CELF2: variants seen among roughly 807,000 people sequenced by gnomAD.
CELF2 encodes CUG triplet repeat RNA-binding protein 2.
A neutral mutation model predicts 62.6 loss-of-function variants in CELF2; 8 were observed. The ratio of observed to expected loss-of-function variants is 0.13; its 90% CI spans 0.07 to 0.23. The LOEUF is 0.23. Among genes scored for constraint, CELF2 ranks in the 10% least tolerant of loss-of-function variants. The probability of loss-of-function intolerance (pLI) is 1.00; values close to 1 mark genes in which losing one functional copy is unlikely to be tolerated. For synonymous variants in CELF2, 258 were observed against 250.0 expected, an observed-to-expected ratio of 1.03 and a Z score of -0.30; for missense variants, 333 against 671.0, an observed-to-expected ratio of 0.50 and a Z score of 5.56.
the CELF2 span, among the ~76,000 whole-genome samples, chr10:10,582,396 C>T: frequency 1.3e-5 from 2 of 151,974 alleles, no homozygotes; most frequent in Non-Finnish European, 2.9e-5. Flanking sequence ...AAGGCTAATG[C>T]CTGAGATAGT....
the CELF2 span, among the ~76,000 whole-genome samples, chr10:10,618,751 G>A: frequency 0.027 from 4,056 of 152,048 alleles, 183 homozygotes; most frequent in African/African-American, 0.092. Context: ...ACAGACACAC[G>A]CAAGGAGTGA....
chr10:10,847,580 G>A (rs117223586), intron 1 of CELF2, among the ~76,000 whole-genome samples: 2,804 of 152,268 alleles, frequency 0.018, 55 homozygotes, highest in Middle Eastern at 0.044. Context: ...GAGGAAGGGT[G>A]GCTTTCTTGC....
the CELF2 span, among the ~76,000 whole-genome samples, chr10:10,502,604 G>A: frequency 6.6e-6 from 1 of 151,622 alleles, no homozygotes; most frequent in African/African-American, 2.4e-5. Flanking sequence ...ATATCTGCAT[G>A]GTCTGTAATA....
intron 1 of CELF2, among the ~76,000 whole-genome samples, chr10:10,913,101 GACACAC>G (rs907189771): frequency 6.6e-6 from 1 of 151,752 alleles, no homozygotes; most frequent in African/African-American, 2.4e-5. Flanking sequence ...TTTGTATACA[GACACAC>G]ACACACACAT....
the CELF2 span, among the ~76,000 whole-genome samples, chr10:10,675,519 A>G: frequency 6.6e-6 from 1 of 152,106 alleles, no homozygotes; most frequent in African/African-American, 2.4e-5. Context: ...TTGGTGTCTG[A>G]CATAAATTTA....
the CELF2 span, among the ~76,000 whole-genome samples, chr10:10,531,824 A>G: frequency 6.6e-6 from 1 of 152,250 alleles, no homozygotes; most frequent in Non-Finnish European, 1.5e-5. Flanking sequence ...AAAAGGCAAT[A>G]TCAATCCTGA....
intron 1 of CELF2, among the ~76,000 whole-genome samples, chr10:11,118,200 A>G (rs1437912702): frequency 6.6e-6 from 1 of 152,094 alleles, no homozygotes; most frequent in Non-Finnish European, 1.5e-5. Flanking sequence ...GCCCAATTGC[A>G]TGATAAGCAA....
the CELF2 span, among the ~76,000 whole-genome samples, chr10:10,753,460 C>T: frequency 6.6e-6 from 1 of 152,228 alleles, no homozygotes; most frequent in East Asian, 1.9e-4. Flanking sequence ...ACTTCCAATC[C>T]ACTTAAAAGG....
At chr10:10,699,935 A>G in the CELF2 span, among the ~76,000 whole-genome samples, 1 of 152,110 alleles carries the variant, frequency 6.6e-6, no homozygotes. Flanking sequence ...GACTGCTCTA[A>G]TCTACGTAGA....
chr10:11,054,675 G>A (rs532648708), intron 1 of CELF2, among the ~76,000 whole-genome samples: 3 of 152,250 alleles, frequency 2.0e-5, no homozygotes, highest in East Asian at 3.9e-4. Context: ...TGAAAGTCAC[G>A]ACAGGAGAGT....
rs1164640895 is a variant in CELF2 at position 10,961,750 on chromosome 10, C to CA, written c.89+41760dup. 2.9e-3 allele frequency among the ~76,000 whole-genome samples: 392 copies of CA among 134,388 alleles called. 1 individual carries two copies. Among genetic ancestry groups the CA allele is most frequent in the African/African-American group, 7.6e-3 (273 of 35,762 alleles). 88.2% of individuals were successfully genotyped at this position (134,388 alleles called of 152,430 possible). ...TGAGCAACAGAGCAAGACTCTGTCT[C>CA]AAAAAAAAAGAAAAAAAAAAAGAAA... On this transcript the variant is annotated intron_variant, in intron 2 of 13. Coordinates refer to the CELF2 transcript ENST00000636488.
intron 1 of CELF2, among the ~76,000 whole-genome samples, chr10:11,095,925 A>G (rs908674893): frequency 6.6e-6 from 1 of 152,162 alleles, no homozygotes; most frequent in African/African-American, 2.4e-5. Context: ...AAAAAAAAAT[A>G]TCCTTAGAAT....
chr10:10,574,336 A>G, the CELF2 span, among the ~76,000 whole-genome samples: 4 of 152,200 alleles, frequency 2.6e-5, no homozygotes, highest in Admixed American at 2.6e-4. Context: ...TGCAAGAAGC[A>G]CACTGAAGGC....
At chr10:10,492,730 G>C in the CELF2 span, among the ~76,000 whole-genome samples, 1 of 152,130 alleles carries the variant, frequency 6.6e-6, no homozygotes, top group Non-Finnish European at 1.5e-5. Context: ...TTACTGAAAT[G>C]GTTTGGCTGT....
At chr10:10,485,048 A>G in the CELF2 span, among the ~76,000 whole-genome samples, 1 of 152,084 alleles carries the variant, frequency 6.6e-6, no homozygotes, top group African/African-American at 2.4e-5. Context: ...GGATGCTCTG[A>G]CATTTCACTG....
intron 1 of CELF2, among the ~76,000 whole-genome samples, chr10:10,855,619 A>G (rs1481637180): frequency 6.6e-6 from 1 of 152,218 alleles, no homozygotes; most frequent in African/African-American, 2.4e-5. Context: ...TTTCCCATTC[A>G]TTCTGCTGCA....
intron 2 of CELF2, among the ~76,000 whole-genome samples, chr10:11,182,774 G>T (rs1279077019): frequency 6.6e-6 from 1 of 152,194 alleles, no homozygotes; most frequent in African/African-American, 2.4e-5. Flanking sequence ...TGGCCCTGTT[G>T]TGTTAATGGA....
chr10:10,949,791 A>T (rs1201507637), intron 2 of CELF2, among the ~76,000 whole-genome samples: 1 of 148,030 alleles, frequency 6.8e-6, no homozygotes, highest in Non-Finnish European at 1.5e-5. Context: ...ACAGAGTGAG[A>T]CTGTGTCGCA....
intron 1 of CELF2, among the ~76,000 whole-genome samples, chr10:10,884,870 G>A (rs1169159252): frequency 1.3e-5 from 2 of 152,236 alleles, no homozygotes; most frequent in Non-Finnish European, 2.9e-5. Flanking sequence ...CATGCTCATT[G>A]TGGCATGCTT....
Sources: gnomAD v4.1 joint callset for allele counts (sites outside exome capture counted in the v4.1 genomes callset) on GRCh38, gnomAD v4.1.1 for gene constraint, MANE v1.5 for transcripts, NCBI Gene and HGNC (gene_info 2026-07-23, HGNC 2026-07-21) for gene names.